The following NFKB1 variants were observed in gnomAD, a reference collection of about 807,000 sequenced individuals.
NFKB1 encodes the protein nuclear factor kappa B subunit 1.
Under a neutral mutation model 105.1 loss-of-function variants are expected in NFKB1, and 9 were observed. That is an observed-to-expected ratio of 0.09 (90% CI 0.05 to 0.15). The LOEUF is 0.15. NFKB1 is among the 10% of genes least tolerant of loss of function. NFKB1 has a pLI of 1.00. For synonymous variants in NFKB1, 440 were observed against 442.2 expected (o/e 1.00, Z 0.06); for missense variants, 830 against 1,203.7 (o/e 0.69, Z 4.59).
rs766892535 is a variant in NFKB1, at chr4:102,537,938, G to A, written c.240G>A (p.Lys80=). 3.7e-6 allele frequency: 6 copies of A among 1,608,162 alleles called. No homozygotes were observed. In the African/African-American group the frequency reaches 6.7e-5, roughly 18 times the overall value. The stretch of plus-strand genomic sequence containing the variant: ...GTGCCTCTAGTGAAAAGAACAAGAA[G>A]TCTTACCCTCAGGTCAAAGTAAGTT... ...LPGASSEKNK[K]SYPQVKICNY... Residue 80 remains lysine, a synonymous_variant, in exon 5 of 24, where the codon AAG becomes AAA. Transcript: ENST00000226574.
intron 1 of NFKB1, among the ~76,000 whole-genome samples, chr4:102,511,401 G>C (rs567849092): frequency 2.6e-5 from 4 of 152,194 alleles, no homozygotes; most frequent in African/African-American, 7.2e-5. Flanking sequence ...CTTGCTGGGC[G>C]TAGTGGCTCA....
chr4:102,529,565 G>A (rs1403125029), intron 2 of NFKB1, among the ~76,000 whole-genome samples: 2 of 152,184 alleles, frequency 1.3e-5, no homozygotes, highest in Non-Finnish European at 2.9e-5. Context: ...GCTAGACCAG[G>A]TCCCTGCCTC....
Position 102,546,683 on chromosome 4 carries a change from C to A in NFKB1, c.258+8727C>A, listed in dbSNP as rs150337554. Among the ~76,000 whole-genome samples the A allele has an allele frequency of 3.7e-3, 570 of 152,262 alleles. 5 individuals are homozygous for A. The highest frequency in any genetic ancestry group is 0.013 in the African/African-American group (556 of 41,564). On this transcript the variant is annotated intron_variant, in intron 5 of 23. Coordinates refer to ENST00000226574, the MANE Select transcript of NFKB1 (RefSeq NM_003998.4). ...AATCAAGAAGCTTGGTTTTTAACAG[C>A]TTCCTAGAGACAAAAGATAAGGCCT...
rs138713334 is a variant in NFKB1 at position 102,603,372 on chromosome 4, G to A, written c.1752+2363G>A. ...AGGCATGAGCCACTGCGTCTGGCCA[G>A]TAGCTATGATTTTTTTTTTATATCC... On this transcript the variant is annotated intron_variant, in intron 16 of 23. Transcript: ENST00000226574. 9.0e-5 allele frequency among the ~76,000 whole-genome samples: 13 copies of A among 144,324 alleles called. No homozygotes were observed. In the East Asian group the frequency reaches 2.5e-3, roughly 28 times the overall value. 94.7% of individuals were successfully genotyped at this position (144,324 alleles called of 152,430 possible).
intron 5 of NFKB1, among the ~76,000 whole-genome samples, chr4:102,550,182 A>G (rs559824871): frequency 2.5e-4 from 38 of 152,088 alleles, no homozygotes; most frequent in Admixed American, 5.9e-4. Context: ...AAATTGTCCT[A>G]TTCTTGGCCA....
chr4:102,576,780 A>C, intron 6 of NFKB1, 96 bp from the exon 7 acceptor site: 1 of 1,253,332 alleles, frequency 8.0e-7, no homozygotes, highest in South Asian at 1.5e-5. Flanking sequence ...GGGCCTGTGT[A>C]TTTTTTTTTA....
At chr4:102,573,235 G>A (rs1221696262) in intron 6 of NFKB1, among the ~76,000 whole-genome samples, 1 of 152,116 alleles carries the variant, frequency 6.6e-6, no homozygotes, top group Admixed American at 6.5e-5. Context: ...TTGAACCTGG[G>A]AGGCAGAGGT....
intron 11 of NFKB1, 64 bp from the exon 12 acceptor site, chr4:102,593,361 T>C (rs1726327103): frequency 5.6e-6 from 8 of 1,421,396 alleles, no homozygotes; most frequent in South Asian, 1.3e-5. Flanking sequence ...CAGTGGTCTT[T>C]CTGTGGCTAG....
chr4:102,615,284 G>A (rs4648134), intron 23 of NFKB1, among the ~76,000 whole-genome samples: 3,362 of 152,292 alleles, frequency 0.022, 58 homozygotes, highest in African/African-American at 0.055. Context: ...AAACATTGCT[G>A]TGGAAGCTCT....
chr4:102,583,918 A>T (rs982555682), intron 10 of NFKB1, among the ~76,000 whole-genome samples: 3 of 152,234 alleles, frequency 2.0e-5, no homozygotes. Flanking sequence ...GCGAACTAAT[A>T]TAGAAAGATC....
chr4:102,534,919 A>G (rs189748202), intron 4 of NFKB1, among the ~76,000 whole-genome samples: 1 of 152,320 alleles, frequency 6.6e-6, no homozygotes, highest in Admixed American at 6.5e-5. Context: ...ATATTTGGTC[A>G]GCATTTGATA....
chr4:102,609,753 T>C (rs1728223202), intron 19 of NFKB1, among the ~76,000 whole-genome samples: 1 of 151,582 alleles, frequency 6.6e-6, no homozygotes, highest in Admixed American at 6.6e-5. Flanking sequence ...GAGAATAAAA[T>C]CAAGAAACAG....
At chr4:102,602,675 T>G (rs1727288202) in intron 16 of NFKB1, among the ~76,000 whole-genome samples, 1 of 152,220 alleles carries the variant, frequency 6.6e-6, no homozygotes, top group African/African-American at 2.4e-5. Flanking sequence ...ATGACCATTT[T>G]TCATTCAATA....
rs1739007249 is a variant in NFKB1 at position 102,501,465 on chromosome 4, C to T, written c.-331C>T. ...CCTTCCCGTCGGTCGGGCCGCCAGC[C>T]GCCGCAGCCCTCGGCCTGCACGCAG... On this transcript the variant is annotated 5_prime_UTR_variant, in exon 1 of 24. Transcript: ENST00000226574. 1 of 150,610 alleles carries T rather than the reference C, an allele frequency of 6.6e-6. No homozygotes were observed. 9.3% of individuals were successfully genotyped at this position (150,610 alleles called of 1,614,324 possible). A position where few individuals can be genotyped will look rare whatever the true frequency, so the allele number is the denominator to read the frequency against.
At chr4:102,551,086 C>T (rs1298709643) in intron 5 of NFKB1, among the ~76,000 whole-genome samples, 1 of 152,114 alleles carries the variant, frequency 6.6e-6, no homozygotes, top group Non-Finnish European at 1.5e-5. Context: ...CCATCTAAAC[C>T]CAGAACATTT....
chr4:102,562,257 C>G (rs1723500425), intron 5 of NFKB1, among the ~76,000 whole-genome samples: 1 of 152,174 alleles, frequency 6.6e-6, no homozygotes, highest in Admixed American at 6.5e-5. Flanking sequence ...CCTCAGTACT[C>G]CCTCAGGAAG....
intron 4 of NFKB1, 176 bp from the exon 5 acceptor site, chr4:102,537,682 T>C (rs1741735102): frequency 1.2e-5 from 6 of 488,900 alleles, no homozygotes; most frequent in Non-Finnish European, 2.2e-5. Flanking sequence ...AATACCATTT[T>C]TCGTAGTAAG....
In NFKB1 at chr4:102,542,981, A is replaced by G. The variant is rs894088582; in HGVS notation, c.258+5025A>G. On this transcript the variant is annotated intron_variant, in intron 5 of 23. Transcript: ENST00000226574. The stretch of plus-strand genomic sequence containing the variant: ...CCCATCATTAAACATTTAATAATCT[A>G]TTATACTGCCTATAAAATTTCCCTT... Among the ~76,000 whole-genome samples the G allele has an allele frequency of 3.3e-5, 5 of 152,192 alleles. No homozygotes were observed. The South Asian group carries it at 8.3e-4, about 25-fold the overall frequency.
rs146215072 is a variant in NFKB1, at chr4:102,604,041, T to C, written c.1753-2455T>C. 6.6e-3 allele frequency among the ~76,000 whole-genome samples: 1,001 copies of C among 152,338 alleles called. 7 individuals are homozygous for C. The highest frequency in any genetic ancestry group is 0.022 in the African/African-American group (902 of 41,570). On this transcript the variant is annotated intron_variant, in intron 16 of 23. Transcript: ENST00000226574. ...TGTATTTTTATGTTTTTAATTATTA[T>C]ACATATCATGTATATTCATAGTTTT... is the stretch of plus-strand genomic sequence containing the variant.
Sources: gnomAD v4.1 joint callset for allele counts (sites outside exome capture counted in the v4.1 genomes callset) on GRCh38, gnomAD v4.1.1 for gene constraint, MANE v1.5 for transcripts, NCBI Gene and HGNC (gene_info 2026-07-23, HGNC 2026-07-21) for gene names.